Variants in DOCK8 observed in about 807,000 individuals in gnomAD.
DOCK8 encodes the protein dedicator of cytokinesis 8.
In DOCK8, 141 loss-of-function variants were observed where a neutral mutation model predicts 245.6. The ratio of observed to expected loss-of-function variants is 0.57; its 90% CI spans 0.50 to 0.66. The LOEUF (loss-of-function observed/expected upper bound fraction) is 0.66. Among genes scored for constraint, DOCK8 ranks in the 30% least tolerant of loss-of-function variants. DOCK8 has a pLI of 0.00. For synonymous variants in DOCK8, 1,168 were observed against 970.2 expected (o/e 1.20, Z -3.79); for missense variants, 2,965 against 2,603.4 (o/e 1.14, Z -3.02).
intron 26 of DOCK8, among the ~76,000 whole-genome samples, chr9:401,991 C>T (rs1181014384): frequency 6.6e-6 from 1 of 152,208 alleles, no homozygotes; most frequent in Non-Finnish European, 1.5e-5. Flanking sequence ...GGACACTTCA[C>T]TCCTCCTTGC....
intron 46 of DOCK8, chr9:460,356 C>G (rs1005246697): frequency 4.6e-5 from 7 of 152,226 alleles, no homozygotes; most frequent in Non-Finnish European, 1.0e-4. Flanking sequence ...GAGTAGACTT[C>G]CCCAAATTAG....
At chr9:305,420 C>G (rs186210382) in intron 5 of DOCK8, among the ~76,000 whole-genome samples, 68 of 151,304 alleles carry the variant, frequency 4.5e-4, no homozygotes, top group Middle Eastern at 3.4e-3. Flanking sequence ...GTAGCTGGGA[C>G]TACAGGCTCC....
At chr9:356,280 G>C (rs1435430332) in intron 14 of DOCK8, among the ~76,000 whole-genome samples, 1 of 152,154 alleles carries the variant, frequency 6.6e-6, no homozygotes, top group East Asian at 1.9e-4. Context: ...TGTAATCCCA[G>C]CACTTTGGGA....
At chr9:414,986 G>C (rs376624595) in intron 29 of DOCK8, 35 bp downstream of exon 29, 29 of 1,611,126 alleles carry the variant, frequency 1.8e-5, no homozygotes, top group African/African-American at 4.0e-5. Context: ...TTGGATTGTT[G>C]GGGGCCCCTG....
intron 10 of DOCK8, 64 bp from the exon 11 acceptor site, chr9:334,161 G>A: frequency 1.9e-6 from 3 of 1,584,582 alleles, no homozygotes; most frequent in Non-Finnish European, 2.6e-6. Context: ...GTCATATTCA[G>A]GTCAGAGGCA....
At chr9:445,139 C>T (rs1187277642) in intron 43 of DOCK8, among the ~76,000 whole-genome samples, 1 of 152,226 alleles carries the variant, frequency 6.6e-6, no homozygotes, top group African/African-American at 2.4e-5. Flanking sequence ...AACTAATCTT[C>T]AGACACACAT....
chr9:461,023 T>A lies in DOCK8; in HGVS notation c.6069-2494T>A, dbSNP rs113039428. On this transcript the variant is annotated intron_variant, in intron 46 of 47. Coordinates refer to ENST00000432829, the MANE Select transcript of DOCK8 (RefSeq NM_203447.4). ...CTTTAAGGTTTATTGATTTGTAAGT[T>A]CCCTTGGGTAGAAGAGTACAAAACA... Among the ~76,000 whole-genome samples, 184 of 152,342 alleles carry A rather than the reference T, an allele frequency of 1.2e-3. 1 individual carries two copies. Among genetic ancestry groups the A allele is most frequent in the African/African-American group, 4.3e-3 (178 of 41,578 alleles).
At chr9:215,462 G>C (rs1204863684) in intron 1 of DOCK8, 16 of 1,485,530 alleles carry the variant, frequency 1.1e-5, no homozygotes, top group African/African-American at 1.5e-5. Flanking sequence ...TGAAATTAGA[G>C]TTGCGTTTGA....
chr9:297,843 G>C (rs549824787), intron 4 of DOCK8, among the ~76,000 whole-genome samples: 1 of 152,168 alleles, frequency 6.6e-6, no homozygotes, highest in Non-Finnish European at 1.5e-5. Flanking sequence ...GTTTGCTCTG[G>C]TTTCAAACAC....
intron 25 of DOCK8, among the ~76,000 whole-genome samples, 176 bp downstream of exon 25, chr9:397,110 T>C (rs2054498383): frequency 6.6e-6 from 1 of 152,088 alleles, no homozygotes; most frequent in Non-Finnish European, 1.5e-5. Context: ...AAAATTGTTA[T>C]AAACAAATTA....
At position 398,755 on chromosome 9, in the gene DOCK8, C is replaced by G. The variant is rs1036635489; in HGVS notation, c.3121-391C>G. Reference sequence around the variant, plus strand: ...TAATCCTTAAAAATTAAGAAACTGTCTCATTGAAAACAGTAAGTATTTTTC... The same window carrying G: ...TAATCCTTAAAAATTAAGAAACTGTGTCATTGAAAACAGTAAGTATTTTTC... On this transcript the variant is annotated intron_variant, in intron 25 of 47. Coordinates refer to ENST00000432829, the MANE Select transcript of DOCK8 (RefSeq NM_203447.4). Among the ~76,000 whole-genome samples the G allele has an allele frequency of 2.7e-5, 4 of 150,752 alleles. No individual in the cohort carries two copies. The South Asian group carries it at 8.4e-4, about 31-fold the overall frequency.
intron 27 of DOCK8, among the ~76,000 whole-genome samples, chr9:406,109 T>G (rs1257962112): frequency 6.6e-6 from 1 of 152,196 alleles, no homozygotes; most frequent in African/African-American, 2.4e-5. Context: ...CAGGAATTAC[T>G]GAGGACCGGT....
chr9:396,870 A>G lies in DOCK8; in HGVS notation c.3056A>G (p.Asp1019Gly), dbSNP rs1389424647. The G allele has an allele frequency of 1.2e-6, 2 of 1,614,172 alleles. No homozygotes were observed. Among genetic ancestry groups the G allele is most frequent in the East Asian group, 2.2e-5 (1 of 44,892 alleles). ...RTRFSDRFMD[D>G]ITTIVNVVTS... ...CGTTTTTCTGACCGTTTCATGGATG[A>G]CATAACTACTATTGTTAATGTGGTC... The change falls in exon 25 of 48, where the codon GAC becomes GGC. Residue 1019 changes from aspartate (D) to glycine (G), a missense_variant. Physicochemically the swap from Asp to Gly is moderately conservative, Grantham distance 94 (BLOSUM62 -1). Around this residue, in one of 3 missense-constraint regions of DOCK8, gnomAD observed 2,825 missense variants for 2,453.5 expected, o/e 1.15. Transcript: ENST00000432829.
At chr9:339,707 G>C (rs993133544) in intron 13 of DOCK8, among the ~76,000 whole-genome samples, 1 of 152,142 alleles carries the variant, frequency 6.6e-6, no homozygotes, top group Non-Finnish European at 1.5e-5. Flanking sequence ...GTAGAGACAG[G>C]GTTTCACCAT....
rs544560266 is a variant in DOCK8 at position 247,458 on chromosome 9, G to GT, written c.54-24161dup. On this transcript the variant is annotated intron_variant, in intron 1 of 47. Transcript: ENST00000432829. ...TGTCATTTTTTAAATATTCAAACTA[G>GT]TTTTTTTTAAAATAATGCCAAGTAC... is the stretch of plus-strand genomic sequence containing the variant. Among the ~76,000 whole-genome samples the GT allele has an allele frequency of 5.9e-4, 90 of 152,128 alleles. 1 individual carries two copies. The highest frequency in any genetic ancestry group is 1.2e-3 in the Non-Finnish European group (79 of 67,984).
intron 46 of DOCK8, among the ~76,000 whole-genome samples, chr9:454,023 G>C (rs13294714): frequency 0.068 from 10,275 of 152,192 alleles, 389 homozygotes; most frequent in Middle Eastern, 0.085. Context: ...CTGAATAATA[G>C]AATGCAGCAT....
chr9:427,711 T>C (rs1564056069), intron 34 of DOCK8, among the ~76,000 whole-genome samples: 1 of 152,242 alleles, frequency 6.6e-6, no homozygotes, highest in Non-Finnish European at 1.5e-5. Flanking sequence ...CTTAATTCTC[T>C]AACTTTTGAA....
chr9:381,844 C>T (rs2053731879), intron 21 of DOCK8, among the ~76,000 whole-genome samples: 2 of 151,962 alleles, frequency 1.3e-5, no homozygotes, highest in South Asian at 2.1e-4. Flanking sequence ...CCTGTAGTCC[C>T]AGCTACTCGG....
At chr9:370,004 T>C in intron 15 of DOCK8, 1 of 577,384 alleles carries the variant, frequency 1.7e-6, no homozygotes, top group Non-Finnish European at 3.1e-6. Context: ...GGTTTCGCCA[T>C]GTTGCCCAGG....
Sources: gnomAD v4.1 joint callset for allele counts (sites outside exome capture counted in the v4.1 genomes callset) on GRCh38, gnomAD v4.1.1 for gene constraint, gnomAD v4.1.1 regional missense constraint, MANE v1.5 for transcripts, NCBI Gene and HGNC (gene_info 2026-07-23, HGNC 2026-07-21) for gene names.